Variants in FMN1 observed in about 807,000 individuals in gnomAD.
FMN1 encodes the protein formin 1, also known as formin-1.
In FMN1, 110 loss-of-function variants were observed where a neutral mutation model predicts 132.4. That is an observed-to-expected ratio of 0.83 (90% CI 0.71 to 0.97). The LOEUF is 0.97. Among genes scored for constraint, FMN1 ranks in the 50% least tolerant of loss-of-function variants. The pLI, the probability that FMN1 is intolerant of heterozygous loss-of-function variation, is 0.00. For missense variants in FMN1, 1,792 were observed against 1,705.3 expected, an observed-to-expected ratio of 1.05 and a Z score of -0.90; for synonymous variants, 722 against 651.7, an observed-to-expected ratio of 1.11 and a Z score of -1.64.
intron 9 of FMN1, among the ~76,000 whole-genome samples, chr15:32,958,867 G>A (rs1055826770): frequency 6.6e-6 from 1 of 151,810 alleles, no homozygotes; most frequent in African/African-American, 2.4e-5. Context: ...TGTGGTGAAA[G>A]CCCGTCTCTA....
intron 18 of FMN1, among the ~76,000 whole-genome samples, chr15:32,804,032 TG>T (rs1251359924): frequency 3.9e-5 from 6 of 152,102 alleles, no homozygotes; most frequent in African/African-American, 9.7e-5. Flanking sequence ...GGACAAATAC[TG>T]GATGACCCCA....
chr15:32,962,174 C>T lies in FMN1; in HGVS notation c.3138+1933G>A, dbSNP rs1016371903. Among the ~76,000 whole-genome samples, 4 of 151,966 alleles carry T rather than the reference C, an allele frequency of 2.6e-5. No individual in the cohort carries two copies. In the East Asian group the frequency reaches 7.7e-4, roughly 29 times the overall value. ...CCTCAACACATACCAATGCTTAAGACAGTGCTGTCCAACAGAGCTTTTTAT... is the reference window on the plus strand; with the variant it reads ...CCTCAACACATACCAATGCTTAAGATAGTGCTGTCCAACAGAGCTTTTTAT... On this transcript the variant is annotated intron_variant, in intron 9 of 20. Coordinates refer to ENST00000616417, the MANE Select transcript of FMN1 (RefSeq NM_001277313.2).
rs182823569 is a variant in FMN1 at position 32,951,099 on chromosome 15, C to A, written c.3138+13008G>T. Among the ~76,000 whole-genome samples, 300 of 151,988 alleles carry A rather than the reference C, an allele frequency of 2.0e-3. 1 individual carries two copies. The highest frequency in any genetic ancestry group is 6.9e-3 in the African/African-American group (288 of 41,466). ...GCAGTCTATTTGTTAATAAAGAAAC[C>A]AACCTAAAATAACTTCATATTTTAA... On this transcript the variant is annotated intron_variant, in intron 9 of 20. Transcript: ENST00000616417.
At chr15:32,940,863 A>G (rs1400659029) in intron 9 of FMN1, among the ~76,000 whole-genome samples, 1 of 152,168 alleles carries the variant, frequency 6.6e-6, no homozygotes, top group Non-Finnish European at 1.5e-5. Flanking sequence ...TTAAGACCCA[A>G]TAGCAGCAGA....
intron 7 of FMN1, among the ~76,000 whole-genome samples, chr15:32,989,800 A>T (rs2033321125): frequency 6.6e-6 from 1 of 152,188 alleles, no homozygotes; most frequent in African/African-American, 2.4e-5. Flanking sequence ...GCCCAGATTA[A>T]CATAATTTGG....
At chr15:33,185,655 C>A (rs1454962073) in intron 2 of FMN1, among the ~76,000 whole-genome samples, 1 of 147,020 alleles carries the variant, frequency 6.8e-6, no homozygotes, top group East Asian at 2.0e-4. Context: ...TCACTGCAAC[C>A]TCTGCCTTCC....
intron 16 of FMN1, among the ~76,000 whole-genome samples, chr15:32,883,282 C>T (rs477827): frequency 0.29 from 43,707 of 151,838 alleles, 6,905 homozygotes; most frequent in African/African-American, 0.42. Context: ...GCCGGAGGAT[C>T]GCTTGAGCCC....
chr15:33,100,946 A>G (rs1477987324), intron 4 of FMN1, among the ~76,000 whole-genome samples: 1 of 152,254 alleles, frequency 6.6e-6, no homozygotes, highest in Admixed American at 6.5e-5. Context: ...TATGACATCA[A>G]GTATGAAATA....
intron 17 of FMN1, among the ~76,000 whole-genome samples, chr15:32,848,707 A>G (rs748336690): frequency 1.3e-5 from 2 of 152,326 alleles, no homozygotes; most frequent in Admixed American, 6.5e-5. Flanking sequence ...GCGAAGTACT[A>G]TAGAAAATTG....
chr15:32,996,452 TAGATC>T (rs1367726724), intron 7 of FMN1, among the ~76,000 whole-genome samples: 1 of 152,186 alleles, frequency 6.6e-6, no homozygotes, highest in Non-Finnish European at 1.5e-5. Context: ...CACCCAAAGA[TAGATC>T]AGAGGCAAAG....
At position 32,770,871 on chromosome 15, in the gene FMN1, GAA is replaced by G. The variant is rs1478652117; in HGVS notation, c.*3437_*3438del. Reference sequence around the variant, plus strand: ...CCTGAGTAGTTGCAGTGAGTGTGTAGAAAGACACCATCATCAACATAAGGATT... The same window carrying G: ...CCTGAGTAGTTGCAGTGAGTGTGTAGAGACACCATCATCAACATAAGGATT... On this transcript the variant is annotated 3_prime_UTR_variant, in exon 21 of 21. Coordinates refer to ENST00000616417, the MANE Select transcript of FMN1 (RefSeq NM_001277313.2). The G allele has an allele frequency of 6.6e-6, 1 of 152,014 alleles. No homozygotes were observed. The highest frequency in any genetic ancestry group is 1.5e-5 in the Non-Finnish European group (1 of 68,028). The allele number at this position is 152,014 out of a possible 1,614,324, so 9.4% of individuals were successfully genotyped here. A position where few individuals can be genotyped will look rare whatever the true frequency, so the allele number is the denominator to read the frequency against.
At position 33,165,557 on chromosome 15, in the gene FMN1, AT is replaced by A. The variant is rs560572974; in HGVS notation, c.-131-10513del. Among the ~76,000 whole-genome samples, 22 of 151,974 alleles carry A rather than the reference AT, an allele frequency of 1.4e-4. No homozygotes were observed. In the South Asian group the frequency reaches 3.3e-3, roughly 23 times the overall value. On this transcript the variant is annotated intron_variant, in intron 3 of 20. Transcript: ENST00000616417. Reference sequence around the variant, plus strand: ...AGGCGCCCGCCACCACGCCCGGCTAATTTTTTTGTATTTTTAGTAGAGACGG... The same window carrying A: ...AGGCGCCCGCCACCACGCCCGGCTAATTTTTTGTATTTTTAGTAGAGACGG...
At chr15:32,820,414 TTAAC>T (rs1280485984) in intron 17 of FMN1, among the ~76,000 whole-genome samples, 1 of 152,196 alleles carries the variant, frequency 6.6e-6, no homozygotes, top group African/African-American at 2.4e-5. Flanking sequence ...AAATTAATCC[TTAAC>T]TAATTTAGGT....
intron 3 of FMN1, among the ~76,000 whole-genome samples, chr15:33,164,466 C>T (rs1449811961): frequency 1.3e-5 from 2 of 152,148 alleles, no homozygotes; most frequent in Non-Finnish European, 2.9e-5. Context: ...AAAAAGGGCT[C>T]CTTTTTGTGT....
intron 16 of FMN1, among the ~76,000 whole-genome samples, chr15:32,866,886 AC>A (rs2059404864): frequency 1.3e-5 from 2 of 151,984 alleles, no homozygotes; most frequent in South Asian, 4.2e-4. Context: ...CTTTCCTCCT[AC>A]TTCTGCCTGC....
Position 32,964,123 on chromosome 15 carries a change from T to G in FMN1, c.3122A>C (p.Lys1041Thr). The part of the protein sequence containing the change: ...KKPLSETYEK[K>T]NKVKKIIKLL... ...ACTCAGTACCTTTTTGACCTTGTTT[T>G]TCTTCTCATAAGTCTCTGACAGAGG... The change falls in exon 9 of 21, where the codon AAA (lysine) becomes ACA (threonine). Residue 1041 changes from lysine (K) to threonine (T), a missense_variant. Physicochemically the swap from Lys to Thr is moderately conservative, Grantham distance 78. Coordinates refer to ENST00000616417, the MANE Select transcript of FMN1 (RefSeq NM_001277313.2). 1.2e-6 allele frequency: 2 copies of G among 1,611,804 alleles called. No homozygotes were observed. Among genetic ancestry groups the G allele is most frequent in the South Asian group, 2.2e-5 (2 of 90,762 alleles).
chr15:33,115,000 T>C (rs181083707), intron 4 of FMN1, among the ~76,000 whole-genome samples: 27 of 152,330 alleles, frequency 1.8e-4, no homozygotes, highest in Admixed American at 1.5e-3. Flanking sequence ...CTTCATTCAA[T>C]ATATGATCCA....
intron 17 of FMN1, among the ~76,000 whole-genome samples, chr15:32,819,322 T>C (rs2058144373): frequency 6.6e-6 from 1 of 152,190 alleles, no homozygotes. Flanking sequence ...TAGAAGCTTG[T>C]TGTAAATGCC....
chr15:33,115,644 G>C (rs1285121039), intron 4 of FMN1, among the ~76,000 whole-genome samples: 3 of 151,542 alleles, frequency 2.0e-5, no homozygotes, highest in Non-Finnish European at 4.4e-5. Context: ...GCTGTGCACA[G>C]CACCTGCATC....
Sources: allele counts gnomAD v4.1 joint callset (sites outside exome capture counted in the v4.1 genomes callset), GRCh38; gene constraint gnomAD v4.1.1; transcripts MANE v1.5; gene names NCBI Gene and HGNC (gene_info 2026-07-23, HGNC 2026-07-21).